Variants in SUN3 observed in about 807,000 individuals in gnomAD.
SUN3 encodes SUN domain-containing protein 3.
Under a neutral mutation model 48.2 loss-of-function variants are expected in SUN3, and 36 were observed. The observed-to-expected ratio is 0.75, with a 90% CI of 0.57 to 0.99. The LOEUF is 0.99. SUN3 is among the 50% of genes least tolerant of loss of function. The pLI is 0.00. For missense variants in SUN3, 419 were observed against 433.1 expected, an observed-to-expected ratio of 0.97 and a Z score of 0.29; for synonymous variants, 148 against 147.9, an observed-to-expected ratio of 1.00 and a Z score of 0.00.
At chr7:48,004,243 G>A (rs1789464431) in intron 6 of SUN3, among the ~76,000 whole-genome samples, 1 of 152,178 alleles carries the variant, frequency 6.6e-6, no homozygotes, top group Non-Finnish European at 1.5e-5. Context: ...TATTTCCGTA[G>A]GAGTTTGCAT....
chr7:48,031,049 G>GA (rs899630432), upstream of SUN3, among the ~76,000 whole-genome samples: 14 of 151,936 alleles, frequency 9.2e-5, no homozygotes, highest in African/African-American at 2.2e-4. Context: ...AGAAAACAAG[G>GA]AAAAAATCTC....
At chr7:48,029,473 A>C (rs1019059678), upstream of SUN3, among the ~76,000 whole-genome samples, 11 of 152,360 alleles carry the variant, frequency 7.2e-5, no homozygotes, top group East Asian at 1.9e-3. Context: ...TCTATAAATA[A>C]TACCATTTTC....
intron 8 of SUN3, among the ~76,000 whole-genome samples, chr7:47,989,828 C>T (rs1789000970): frequency 6.6e-6 from 1 of 152,208 alleles, no homozygotes; most frequent in Non-Finnish European, 1.5e-5. Context: ...CTGGCTGAAA[C>T]ATGTGCTGTG....
At chr7:48,016,502 A>G (rs1019116346) in intron 3 of SUN3, among the ~76,000 whole-genome samples, 1 of 152,130 alleles carries the variant, frequency 6.6e-6, no homozygotes, top group Admixed American at 6.5e-5. Flanking sequence ...AGAATGGACA[A>G]GGCTTATTCT....
At chr7:48,011,116 C>T (rs980423076) in intron 3 of SUN3, among the ~76,000 whole-genome samples, 8 of 152,192 alleles carry the variant, frequency 5.3e-5, no homozygotes, top group African/African-American at 1.9e-4. Context: ...ATTACATCTG[C>T]AAATACCTTT....
chr7:48,001,883 A>G (rs180690112), intron 6 of SUN3, among the ~76,000 whole-genome samples: 2 of 152,304 alleles, frequency 1.3e-5, no homozygotes, highest in African/African-American at 2.4e-5. Context: ...GAACACATGC[A>G]TGCATATATC....
At chr7:47,987,486 G>A (rs752057248) in intron 9 of SUN3, 37 bp from the exon 10 acceptor site, 72 of 1,476,558 alleles carry the variant, frequency 4.9e-5, no homozygotes, top group Middle Eastern at 1.9e-4. Context: ...GCCTTATAAC[G>A]AAATTCATCT....
chr7:48,006,718 A>G lies in SUN3; in HGVS notation c.492+447T>C, dbSNP rs186484415. Among the ~76,000 whole-genome samples the G allele has an allele frequency of 1.2e-3, 177 of 151,372 alleles. 3 individuals carry two copies. The highest frequency in any genetic ancestry group is 4.3e-3 in the African/African-American group (176 of 40,676). Reference sequence around the variant, plus strand: ...TTTCAAAAAGTAGACATTAGGGAAGAAAAAGAAGGTAGTAATGACAGCGGA... The same window carrying G: ...TTTCAAAAAGTAGACATTAGGGAAGGAAAAGAAGGTAGTAATGACAGCGGA... On this transcript the variant is annotated intron_variant, in intron 5 of 9. Transcript: ENST00000297325.
At position 48,007,292 on chromosome 7, in the gene SUN3, T is replaced by G; in HGVS notation, c.365A>C (p.Gln122Pro). Residue 122 changes from glutamine to proline, a missense_variant, in exon 5 of 10, where the codon CAA becomes CCA. Coordinates refer to ENST00000297325, the MANE Select transcript of SUN3 (RefSeq NM_001030019.2). ...TATTTGTTCGATCAAAAATAGAATTTGACGAAAATTGTTTTCCAGATTCTG... is the reference window on the plus strand; with the variant it reads ...TATTTGTTCGATCAAAAATAGAATTGGACGAAAATTGTTTTCCAGATTCTG... ...ESQNLENNFR[Q>P]ILFLIEQIDV... 6.2e-7 allele frequency: 1 copy of G among 1,614,104 alleles called. No homozygotes were observed. Among genetic ancestry groups the G allele is most frequent in the Non-Finnish European group, 8.5e-7 (1 of 1,179,998 alleles).
chr7:48,008,972 C>G (rs997998430), intron 4 of SUN3, 63 bp downstream of exon 4: 4 of 1,511,480 alleles, frequency 2.6e-6, no homozygotes, highest in Admixed American at 2.0e-5. Flanking sequence ...CTTTTCTGTA[C>G]GAAAACATTT....
chr7:48,020,255 C>T (rs970157865), intron 2 of SUN3, among the ~76,000 whole-genome samples: 57 of 152,022 alleles, frequency 3.7e-4, no homozygotes, highest in African/African-American at 1.3e-3. Flanking sequence ...GGATAAAATT[C>T]AACATCTCTC....
chr7:47,993,240 C>T (rs1489779482), intron 8 of SUN3, among the ~76,000 whole-genome samples: 1 of 152,156 alleles, frequency 6.6e-6, no homozygotes, highest in Non-Finnish European at 1.5e-5. Flanking sequence ...ATAATACAGT[C>T]TTCTAGCAGT....
intron 3 of SUN3, among the ~76,000 whole-genome samples, chr7:48,011,850 C>A (rs564056901): frequency 5.3e-5 from 8 of 152,038 alleles, no homozygotes; most frequent in African/African-American, 1.7e-4. Flanking sequence ...TAAGATAATG[C>A]GAGAAGGATG....
upstream of SUN3, among the ~76,000 whole-genome samples, chr7:48,030,785 C>A (rs1174838618): frequency 3.3e-5 from 5 of 152,134 alleles, no homozygotes; most frequent in African/African-American, 1.2e-4. Context: ...AGAGGAGGAA[C>A]TTCTGGGTCA....
chr7:48,009,342 A>G (rs978682612), intron 3 of SUN3, among the ~76,000 whole-genome samples: 2 of 152,112 alleles, frequency 1.3e-5, no homozygotes, highest in African/African-American at 4.8e-5. Context: ...ATCATTTCCT[A>G]TTTCTTAAGA....
chr7:48,017,429 T>TGA, intron 2 of SUN3, 64 bp from the exon 3 acceptor site: 1 of 882,138 alleles, frequency 1.1e-6, no homozygotes, highest in Non-Finnish European at 1.8e-6. Flanking sequence ...ATTTTACATG[T>TGA]ATTCATAAGA....
intron 2 of SUN3, among the ~76,000 whole-genome samples, chr7:48,019,059 C>T (rs1306556145): frequency 6.6e-6 from 1 of 152,090 alleles, no homozygotes; most frequent in Non-Finnish European, 1.5e-5. Context: ...TAGAAGGGCT[C>T]AACAGTTGAT....
At position 48,028,724 on chromosome 7, in the gene SUN3, C is replaced by T. The variant is rs1461212034; in HGVS notation, c.122+93G>A. On this transcript the variant is annotated intron_variant, in intron 1 of 9. Transcript: ENST00000297325. The stretch of plus-strand genomic sequence containing the variant: ...TCTCTATAAAGGGAGAAAATACTGT[C>T]GGGTAACAGGTAACAGATGAACAGA... The T allele has an allele frequency of 4.7e-6, 7 of 1,495,422 alleles. No homozygotes were observed. The African/African-American group carries it at 5.6e-5, about 12-fold the overall frequency. 92.6% of individuals were successfully genotyped at this position (1,495,422 alleles called of 1,614,324 possible).
intron 6 of SUN3, among the ~76,000 whole-genome samples, chr7:48,004,605 C>G (rs1292526473): frequency 6.6e-6 from 1 of 152,234 alleles, no homozygotes. Flanking sequence ...GGGGAGCAGG[C>G]GTCTTCTCTG....
Sources: gnomAD v4.1 joint callset for allele counts (sites outside exome capture counted in the v4.1 genomes callset) on GRCh38, gnomAD v4.1.1 for gene constraint, MANE v1.5 for transcripts, NCBI Gene and HGNC (gene_info 2026-07-23, HGNC 2026-07-21) for gene names.